CPLX2: variants seen among roughly 807,000 people sequenced by gnomAD.
CPLX2 encodes complexin 2, also known as complexin-2.
In CPLX2, 5 loss-of-function variants were observed where a neutral mutation model predicts 16.3. That is an observed-to-expected ratio of 0.31 (90% CI 0.16 to 0.64). The LOEUF is 0.64. CPLX2 is among the 30% of genes least tolerant of loss of function. The pLI is 0.79. For synonymous variants in CPLX2, 89 were observed against 73.2 expected (o/e 1.22, Z -1.10); for missense variants, 144 against 181.4 (o/e 0.79, Z 1.18).
At chr5:175,825,937 C>CAAAAAAAAAAAAAAAAAAAAAAA (rs35250246) in intron 2 of CPLX2, among the ~76,000 whole-genome samples, 1 of 44,420 alleles carries the variant, frequency 2.3e-5, no homozygotes, top group African/African-American at 9.7e-5. Context: ...TGAATAAGTG[C>CAAAAAAAAAAAAAAAAAAAAAAA]AAAAAAAAAA....
chr5:175,880,276 C>A lies in CPLX2; in HGVS notation c.*231C>A. Reference sequence around the variant, plus strand: ...GCTTGAAAAAGGGAGGACAGTCTTTCCCCAGCAGGGGTCAGGGGGGCCCCT... The same window carrying A: ...GCTTGAAAAAGGGAGGACAGTCTTTACCCAGCAGGGGTCAGGGGGGCCCCT... On this transcript the variant is annotated 3_prime_UTR_variant, in exon 4 of 4. Coordinates refer to ENST00000393745, the MANE Select transcript of CPLX2 (RefSeq NM_001008220.2). 1.6e-6 allele frequency: 1 copy of A among 637,024 alleles called. No homozygotes were observed. 39.5% of individuals were successfully genotyped at this position (637,024 alleles called of 1,614,324 possible). A position where few individuals can be genotyped will look rare whatever the true frequency, so the allele number is the denominator to read the frequency against.
At chr5:175,860,231 C>A (rs563391921) in intron 2 of CPLX2, among the ~76,000 whole-genome samples, 4 of 152,224 alleles carry the variant, frequency 2.6e-5, no homozygotes, top group African/African-American at 9.6e-5. Flanking sequence ...TGGCTCATGC[C>A]TGTAATCCCA....
Position 175,879,959 on chromosome 5 carries a change from G to A in CPLX2, c.319G>A (p.Asp107Asn), listed in dbSNP as rs1047967443. ...GAAGGCCATCCCTGCGGGCTGCGGG[G>A]ACGAGGAGGAGGAGGAAGAGGAGAG... ...PKKAIPAGCG[D>N]EEEEEEESIL... is the part of the protein sequence containing the mutation. The change falls in exon 4 of 4, where the codon GAC becomes AAC. Residue 107 changes from aspartate (D) to asparagine (N), a missense_variant. Transcript: ENST00000393745. The A allele has an allele frequency of 5.6e-6, 9 of 1,614,084 alleles. No homozygotes were observed. Among genetic ancestry groups the A allele is most frequent in the Non-Finnish European group, 7.6e-6 (9 of 1,179,994 alleles).
chr5:175,854,281 A>T (rs1472832895), intron 2 of CPLX2, among the ~76,000 whole-genome samples: 1 of 152,084 alleles, frequency 6.6e-6, no homozygotes, highest in African/African-American at 2.4e-5. Context: ...CGTTTGCTGG[A>T]TCAATCTTAA....
chr5:175,830,335 A>G lies in CPLX2; in HGVS notation c.-89+21267A>G, dbSNP rs943937134. Among the ~76,000 whole-genome samples, 1 of 152,196 alleles carries G rather than the reference A, an allele frequency of 6.6e-6. No homozygotes were observed. Among genetic ancestry groups the G allele is most frequent in the African/African-American group, 2.4e-5 (1 of 41,444 alleles). ...TTAGCCCCATTTTTCAGCTGAAATC[A>G]TTGATGCTCAGACATGAAGCAACTT... On this transcript the variant is annotated intron_variant, in intron 2 of 4. Transcript: ENST00000359546. The surrounding 1 kb of genome is among the most constrained non-coding windows in gnomAD (Gnocchi z 4.0).
At chr5:175,875,536 A>T in intron 1 of CPLX2, among the ~76,000 whole-genome samples, 1 of 152,336 alleles carries the variant, frequency 6.6e-6, no homozygotes, top group Middle Eastern at 3.4e-3. Context: ...TTTTATAGAG[A>T]AGATCAAGTA....
rs528116822 is a variant in CPLX2, at chr5:175,809,956, A to T, written c.-89+888A>T. Among the ~76,000 whole-genome samples the T allele has an allele frequency of 6.6e-5, 10 of 152,330 alleles. No homozygotes were observed. The highest frequency in any genetic ancestry group is 2.2e-4 in the African/African-American group (9 of 41,576). ...TCGATCGCTATAGATATCGTTGCTC[A>T]TCCAGATGGGAGCTATTTATGATGC... On this transcript the variant is annotated intron_variant, in intron 2 of 4. Coordinates refer to the CPLX2 transcript ENST00000359546. The surrounding 1 kb of genome is among the most constrained non-coding windows in gnomAD (Gnocchi z 4.4).
In CPLX2 at chr5:175,830,475, AG is replaced by A. The variant is rs1458953304; in HGVS notation, c.-89+21408del. On this transcript the variant is annotated intron_variant, in intron 2 of 4. Coordinates refer to the CPLX2 transcript ENST00000359546. This position sits in a 1 kb window ranked among gnomAD's most constrained non-coding sequence, Gnocchi z 4.0. ...CCCACAGAGGAGAGTGAAGCGAGGC[AG>A]CCCTCCTTTAGGAGGGGGAGTTTTA... Among the ~76,000 whole-genome samples the A allele has an allele frequency of 6.6e-6, 1 of 152,184 alleles. No homozygotes were observed.
chr5:175,837,278 C>T (rs1758855906), intron 2 of CPLX2, among the ~76,000 whole-genome samples: 1 of 152,190 alleles, frequency 6.6e-6, no homozygotes, highest in African/African-American at 2.4e-5. Context: ...TGCACGGCTC[C>T]CCGCAGCAGG....
intron 1 of CPLX2, among the ~76,000 whole-genome samples, chr5:175,806,584 G>C (rs1382552519): frequency 1.3e-5 from 2 of 152,086 alleles, no homozygotes; most frequent in African/African-American, 4.8e-5. Flanking sequence ...TCTGCCTCCT[G>C]GGTTCAAGTG....
At position 175,819,964 on chromosome 5, in the gene CPLX2, G is replaced by C. The variant is rs552365125; in HGVS notation, c.-89+10896G>C. On this transcript the variant is annotated intron_variant, in intron 2 of 4. Coordinates refer to the CPLX2 transcript ENST00000359546. ...ATCTCACTCCTTATTTTGCAGAAAAGGAAATTATCCACCTGTCTCCCCAGT... is the reference window on the plus strand; with the variant it reads ...ATCTCACTCCTTATTTTGCAGAAAACGAAATTATCCACCTGTCTCCCCAGT... Among the ~76,000 whole-genome samples the C allele has an allele frequency of 6.6e-5, 10 of 152,300 alleles. 1 individual carries two copies. The South Asian group carries it at 1.9e-3, about 28-fold the overall frequency.
At chr5:175,826,353 G>A (rs528884136) in intron 2 of CPLX2, among the ~76,000 whole-genome samples, 1 of 152,254 alleles carries the variant, frequency 6.6e-6, no homozygotes, top group African/African-American at 2.4e-5. Flanking sequence ...CAAAAGGTAG[G>A]GCAGGAGCGC....
rs1378042323 is a variant in CPLX2, at chr5:175,811,268, A to G, written c.-89+2200A>G. Among the ~76,000 whole-genome samples the G allele has an allele frequency of 2.0e-5, 3 of 152,188 alleles. No individual in the cohort carries two copies. The East Asian group carries it at 5.8e-4, about 29-fold the overall frequency. The stretch of plus-strand genomic sequence containing the variant: ...TACTACCCAGGAAGGGTGGTTTGAA[A>G]AGTCTTGAGAAGCAAACTTCAGGAT... On this transcript the variant is annotated intron_variant, in intron 2 of 4. Coordinates refer to the CPLX2 transcript ENST00000359546.
chr5:175,874,138 C>T (rs546166894), intron 1 of CPLX2, among the ~76,000 whole-genome samples: 1 of 152,138 alleles, frequency 6.6e-6, no homozygotes, highest in East Asian at 1.9e-4. Flanking sequence ...GAAAATCTGC[C>T]CTTTAGGAAG....
upstream of CPLX2, chr5:175,871,393 G>A (rs13153338): frequency 8.0e-6 from 1 of 125,138 alleles, no homozygotes. Flanking sequence ...GGGGAGGGAG[G>A]GAGAGAAAGA....
intron 2 of CPLX2, among the ~76,000 whole-genome samples, chr5:175,819,835 C>A (rs187689873): frequency 6.6e-6 from 1 of 152,168 alleles, no homozygotes; most frequent in Non-Finnish European, 1.5e-5. Flanking sequence ...ACAGAGGGTG[C>A]GGAGAGGACA....
chr5:175,799,685 T>A (rs1311201787), intron 1 of CPLX2, among the ~76,000 whole-genome samples: 1 of 150,072 alleles, frequency 6.7e-6, no homozygotes, highest in Non-Finnish European at 1.5e-5. Context: ...CCAGCTATTT[T>A]TTTTATTTTT....
rs748664347 is a variant in CPLX2 at position 175,879,093 on chromosome 5, G to A, written c.207+10G>A. 2.6e-6 allele frequency: 4 copies of A among 1,551,788 alleles called. No homozygotes were observed. Among genetic ancestry groups the A allele is most frequent in the African/African-American group, 2.7e-5 (2 of 73,124 alleles). ...GCAGATCCGAGATAAGGTCAGCTCC[G>A]CCCGCCCGCCCGTCCTGGGGAGGGC... On this transcript the variant is annotated intron_variant, in intron 3 of 3. Coordinates refer to ENST00000393745, the MANE Select transcript of CPLX2 (RefSeq NM_001008220.2).
chr5:175,819,554 A>C (rs539664836), intron 2 of CPLX2, among the ~76,000 whole-genome samples: 6 of 152,150 alleles, frequency 3.9e-5, no homozygotes. Flanking sequence ...CAAAGTGTCT[A>C]TTCAAGGCTC....
Sources: gnomAD v4.1 joint callset for allele counts (sites outside exome capture counted in the v4.1 genomes callset) on GRCh38, gnomAD v4.1.1 for gene constraint, Gnocchi (gnomAD v3.1) non-coding constraint, MANE v1.5 for transcripts, NCBI Gene and HGNC (gene_info 2026-07-23, HGNC 2026-07-21) for gene names.